The following ZNF143 variants were observed in gnomAD, a reference collection of about 807,000 sequenced individuals.
The protein encoded by ZNF143 is zinc finger protein 143.
Under a neutral mutation model 74.1 loss-of-function variants are expected in ZNF143, and 49 were observed. That is an observed-to-expected ratio of 0.66 (90% CI 0.53 to 0.84). The LOEUF (loss-of-function observed/expected upper bound fraction) is 0.84. Ranked by LOEUF, ZNF143 falls within the 40% of genes least tolerant of loss-of-function variation. The pLI is 0.00. For missense variants in ZNF143, 637 were observed against 793.4 expected, an observed-to-expected ratio of 0.80 and a Z score of 2.37; for synonymous variants, 304 against 282.8, an observed-to-expected ratio of 1.07 and a Z score of -0.75.
chr11:9,463,096 G>C (rs931308269), intron 1 of ZNF143, among the ~76,000 whole-genome samples: 2 of 150,662 alleles, frequency 1.3e-5, no homozygotes, highest in East Asian at 3.8e-4. Context: ...GGTCATTTAT[G>C]TTATAACATG....
intron 12 of ZNF143, among the ~76,000 whole-genome samples, chr11:9,510,274 G>A (rs545576404): frequency 5.3e-5 from 8 of 151,886 alleles, no homozygotes; most frequent in South Asian, 2.1e-4. Context: ...ACAGGCGCCC[G>A]CCACCATGCC....
chr11:9,492,104 A>AG (rs1847803389), intron 7 of ZNF143, among the ~76,000 whole-genome samples: 1 of 117,298 alleles, frequency 8.5e-6, no homozygotes, highest in Non-Finnish European at 1.9e-5. Context: ...ACACCTGGCT[A>AG]ATTTTTTTTT....
chr11:9,507,163 T>TG (rs547707444), intron 11 of ZNF143, among the ~76,000 whole-genome samples: 44 of 152,294 alleles, frequency 2.9e-4, no homozygotes, highest in Middle Eastern at 3.4e-3. Flanking sequence ...ATCTTATTTT[T>TG]GGGGGGGTTT....
intron 1 of ZNF143, chr11:9,470,970 G>A (rs1856532254): frequency 6.5e-6 from 1 of 154,666 alleles, no homozygotes; most frequent in African/African-American, 2.4e-5. Flanking sequence ...CTGACACATT[G>A]TAAGTGGGAA....
intron 11 of ZNF143, 53 bp downstream of exon 11, chr11:9,501,323 C>T: frequency 1.9e-6 from 3 of 1,576,872 alleles, no homozygotes. Flanking sequence ...AGTTTAACTC[C>T]TGCCTTTTCC....
chr11:9,491,933 A>G (rs1412711462), intron 7 of ZNF143, among the ~76,000 whole-genome samples: 1 of 151,958 alleles, frequency 6.6e-6, no homozygotes, highest in Non-Finnish European at 1.5e-5. Flanking sequence ...CCCAGCCTAC[A>G]TACTATTTAT....
chr11:9,466,764 A>G (rs559436325), intron 1 of ZNF143, among the ~76,000 whole-genome samples: 3 of 152,178 alleles, frequency 2.0e-5, no homozygotes, highest in African/African-American at 7.2e-5. Flanking sequence ...TTAATGGTCT[A>G]CAAAACACAA....
At chr11:9,472,302 G>A (rs1856623895) in intron 2 of ZNF143, among the ~76,000 whole-genome samples, 1 of 152,086 alleles carries the variant, frequency 6.6e-6, no homozygotes. Context: ...GCCCAGGCTG[G>A]AGGGCAGTGG....
chr11:9,502,749 G>A (rs1342293866), intron 11 of ZNF143, among the ~76,000 whole-genome samples: 5 of 150,774 alleles, frequency 3.3e-5, no homozygotes, highest in East Asian at 3.9e-4. Flanking sequence ...TCCCCACCCC[G>A]CCCCCCAGGT....
At position 9,527,729 on chromosome 11, in the gene ZNF143, C is replaced by T. The variant is rs1013912010; in HGVS notation, c.*116C>T. ...TTTTCCATTCCTGATACACTGTACA[C>T]ATTTTTATGCGAGAGTGGAGAACAT... On this transcript the variant is annotated 3_prime_UTR_variant, in exon 16 of 16. Transcript: ENST00000396602. The T allele has an allele frequency of 2.4e-6, 2 of 847,080 alleles. No homozygotes were observed. The highest frequency in any genetic ancestry group is 5.1e-5 in the Admixed American group (2 of 39,426). The allele number at this position is 847,080 out of a possible 1,614,324, so 52.5% of individuals were successfully genotyped here.
intron 7 of ZNF143, among the ~76,000 whole-genome samples, chr11:9,479,909 A>C (rs1273915591): frequency 2.0e-5 from 3 of 152,218 alleles, no homozygotes; most frequent in African/African-American, 7.2e-5. Context: ...GACTCTTTCT[A>C]AATAATCCTC....
intron 7 of ZNF143, among the ~76,000 whole-genome samples, chr11:9,486,423 T>A (rs1379499313): frequency 2.6e-5 from 1 of 38,084 alleles, no homozygotes; most frequent in African/African-American, 8.8e-5. Flanking sequence ...ATATATATTA[T>A]ATATATTATA....
intron 7 of ZNF143, among the ~76,000 whole-genome samples, chr11:9,490,995 A>G (rs1228553209): frequency 1.3e-5 from 2 of 152,236 alleles, no homozygotes; most frequent in African/African-American, 4.8e-5. Flanking sequence ...GGCCTCCTAA[A>G]GTGTTGGAAT....
chr11:9,503,109 A>G (rs1589920570), intron 11 of ZNF143, among the ~76,000 whole-genome samples: 1 of 152,096 alleles, frequency 6.6e-6, no homozygotes, highest in Admixed American at 6.6e-5. Flanking sequence ...GGGATTACAG[A>G]CATGAGCCAC....
At chr11:9,502,241 C>CTTTTTTT (rs1183629630) in intron 11 of ZNF143, among the ~76,000 whole-genome samples, 50 of 56,886 alleles carry the variant, frequency 8.8e-4, no homozygotes, top group East Asian at 1.9e-3. Context: ...TGGCCATATT[C>CTTTTTTT]TTTTTTTTTT....
At chr11:9,462,480 T>C (rs987127464) in intron 1 of ZNF143, among the ~76,000 whole-genome samples, 2 of 152,024 alleles carry the variant, frequency 1.3e-5, no homozygotes, top group Non-Finnish European at 2.9e-5. Context: ...AGAGGATCAC[T>C]TGAGCCCAGG....
At chr11:9,484,860 C>T (rs1042832834) in intron 7 of ZNF143, among the ~76,000 whole-genome samples, 7 of 123,648 alleles carry the variant, frequency 5.7e-5, no homozygotes, top group Non-Finnish European at 9.5e-5. Flanking sequence ...TGCAGTGGCG[C>T]GATCTTGGCT....
chr11:9,491,505 G>A (rs925703840), intron 7 of ZNF143, among the ~76,000 whole-genome samples: 5 of 151,982 alleles, frequency 3.3e-5, no homozygotes, highest in Non-Finnish European at 7.4e-5. Context: ...CCGGCATGGT[G>A]GCGGGCGCCT....
chr11:9,488,826 A>T (rs1847660950), intron 7 of ZNF143, among the ~76,000 whole-genome samples: 13 of 152,092 alleles, frequency 8.5e-5, no homozygotes, highest in Admixed American at 8.5e-4. Flanking sequence ...TGATGGAGGG[A>T]TAGGTATAAA....
Sources: gnomAD v4.1 joint callset for allele counts (sites outside exome capture counted in the v4.1 genomes callset) on GRCh38, gnomAD v4.1.1 for gene constraint, MANE v1.5 for transcripts, NCBI Gene and HGNC (gene_info 2026-07-23, HGNC 2026-07-21) for gene names.